The following LINGO2 variants were observed in gnomAD, a reference collection of about 807,000 sequenced individuals.
LINGO2 encodes the protein leucine-rich repeat and immunoglobulin-like domain-containing nogo receptor-interacting protein 2.
A neutral mutation model predicts 30.6 loss-of-function variants in LINGO2; 14 were observed. That is an observed-to-expected ratio of 0.46 (90% CI 0.30 to 0.72). LINGO2 has a LOEUF of 0.72. Ranked by LOEUF, LINGO2 falls within the 30% of genes least tolerant of loss-of-function variation. The pLI is 0.07. For missense variants in LINGO2, 729 were observed against 751.7 expected, an observed-to-expected ratio of 0.97 and a Z score of 0.35; for synonymous variants, 317 against 288.5, an observed-to-expected ratio of 1.10 and a Z score of -1.00.
rs149286194 is a variant in LINGO2, at chr9:28,374,124, C to T, written c.-278-1256G>A. 2.3e-3 allele frequency among the ~76,000 whole-genome samples: 353 copies of T among 151,348 alleles called. 2 individuals are homozygous for T. The highest frequency in any genetic ancestry group is 7.4e-3 in the African/African-American group (307 of 41,264). On this transcript the variant is annotated intron_variant, in intron 2 of 5. Coordinates refer to ENST00000379992, the Ensembl canonical transcript of LINGO2. ...AGACGAAGGACATGAGGCCTTTGTTCGGCACCACGACGTGAAGGCCTACGG... is the reference window on the plus strand; with the variant it reads ...AGACGAAGGACATGAGGCCTTTGTTTGGCACCACGACGTGAAGGCCTACGG...
chr9:28,784,190 T>C, the LINGO2 span, among the ~76,000 whole-genome samples: 7 of 152,230 alleles, frequency 4.6e-5, no homozygotes. Context: ...CAGTTTCTTG[T>C]AAGGAGAGAT....
At chr9:28,673,082 A>G (rs2136051227), upstream of LINGO2, among the ~76,000 whole-genome samples, 1 of 152,274 alleles carries the variant, frequency 6.6e-6, no homozygotes, top group East Asian at 1.9e-4. Flanking sequence ...TTACAATAGC[A>G]TTGTGTTTGT....
intron 1 of LINGO2, among the ~76,000 whole-genome samples, chr9:28,568,412 A>G (rs1051221425): frequency 1.4e-4 from 21 of 152,126 alleles, no homozygotes; most frequent in African/African-American, 5.1e-4. Flanking sequence ...TAACCTGTAC[A>G]ACAAACCCCA....
At chr9:28,900,329 C>A in the LINGO2 span, among the ~76,000 whole-genome samples, 11 of 152,150 alleles carry the variant, frequency 7.2e-5, no homozygotes, top group Non-Finnish European at 1.3e-4. Context: ...CTCTGCAGAC[C>A]CAGGCTTATC....
rs572625988 is a variant in LINGO2 at position 28,001,719 on chromosome 9, A to C, written c.-36+10636T>G. Among the ~76,000 whole-genome samples, 5 of 152,312 alleles carry C rather than the reference A, an allele frequency of 3.3e-5. No homozygotes were observed. In the South Asian group the frequency reaches 1.0e-3, roughly 32 times the overall value. On this transcript the variant is annotated intron_variant, in intron 5 of 5. Coordinates refer to ENST00000379992, the Ensembl canonical transcript of LINGO2. ...GGGCAGAAAGGAAAAAAAAAGCACA[A>C]GTACAGCTGAATTATTGTTAGTTTC...
Position 28,519,787 on chromosome 9 carries a change from G to A in LINGO2, c.-364-43762C>T, listed in dbSNP as rs534357217. On this transcript the variant is annotated intron_variant, in intron 1 of 5. Transcript: ENST00000379992. ...TGACAGAGAAAGAGTTTATAATTTC[G>A]ATGAGGTGAAATTTATCAAATTTCC... 3.4e-4 allele frequency among the ~76,000 whole-genome samples: 51 copies of A among 152,186 alleles called. 1 individual carries two copies. The South Asian group carries it at 1.0e-2, about 30-fold the overall frequency.
At chr9:28,481,137 G>A (rs894655284) in intron 1 of LINGO2, among the ~76,000 whole-genome samples, 10 of 152,130 alleles carry the variant, frequency 6.6e-5, no homozygotes, top group African/African-American at 2.4e-4. Context: ...GTCTTCAAAT[G>A]TCTTTGATTT....
At chr9:28,101,435 AG>A (rs1167549064) in intron 4 of LINGO2, among the ~76,000 whole-genome samples, 2 of 152,218 alleles carry the variant, frequency 1.3e-5, no homozygotes, top group Non-Finnish European at 2.9e-5. Context: ...GGTCACTTCA[AG>A]GCTATTGCTA....
At chr9:29,187,151 G>C in the LINGO2 span, among the ~76,000 whole-genome samples, 1 of 152,064 alleles carries the variant, frequency 6.6e-6, no homozygotes, top group African/African-American at 2.4e-5. Flanking sequence ...CTGTATCACA[G>C]TCCTACAATA....
chr9:28,231,319 GCCAT>G (rs1821347736), intron 4 of LINGO2, among the ~76,000 whole-genome samples: 1 of 151,898 alleles, frequency 6.6e-6, no homozygotes, highest in Admixed American at 6.6e-5. Flanking sequence ...CTATATAGGA[GCCAT>G]TCACTGACAA....
intron 4 of LINGO2, among the ~76,000 whole-genome samples, chr9:28,061,197 T>A (rs1312749683): frequency 6.7e-6 from 1 of 149,268 alleles, no homozygotes; most frequent in Non-Finnish European, 1.5e-5. Context: ...TGGCATCTAG[T>A]ATGTTTCTTA....
chr9:28,447,083 C>T (rs1824450207), intron 2 of LINGO2, among the ~76,000 whole-genome samples: 1 of 152,188 alleles, frequency 6.6e-6, no homozygotes, highest in African/African-American at 2.4e-5. Flanking sequence ...GATTAACTGT[C>T]ACTTTCTTAG....
intron 3 of LINGO2, among the ~76,000 whole-genome samples, chr9:28,367,178 C>A (rs1820712391): frequency 6.6e-6 from 1 of 150,388 alleles, no homozygotes; most frequent in South Asian, 2.1e-4. Context: ...ACATTTATTT[C>A]AATTCTTATC....
intron 4 of LINGO2, among the ~76,000 whole-genome samples, chr9:28,219,868 C>A (rs939644339): frequency 6.6e-5 from 10 of 152,120 alleles, no homozygotes; most frequent in Non-Finnish European, 1.3e-4. Flanking sequence ...ATTAAAAATT[C>A]TAAGTATGGT....
chr9:28,125,490 A>AT (rs1451789986), intron 4 of LINGO2, among the ~76,000 whole-genome samples: 2 of 152,170 alleles, frequency 1.3e-5, no homozygotes, highest in African/African-American at 4.8e-5. Context: ...GTATGGTAGA[A>AT]TTTTCTGCCC....
chr9:28,448,829 C>T (rs113366446), intron 2 of LINGO2, among the ~76,000 whole-genome samples: 19 of 151,344 alleles, frequency 1.3e-4, no homozygotes, highest in African/African-American at 4.6e-4. Flanking sequence ...GAGAGTGCAG[C>T]CACAATACCT....
chr9:28,797,351 TATATATATAGAGAGAGAGAGAGAGAG>T, the LINGO2 span, among the ~76,000 whole-genome samples: 1 of 62,510 alleles, frequency 1.6e-5, no homozygotes, highest in Non-Finnish European at 3.2e-5. Context: ...TATATATATA[TATATATATAGAGAGAGAGAGAGAGAG>T]AGAGAGAGAG....
At chr9:27,954,683 G>T (rs1819480539) in intron 5 of LINGO2, among the ~76,000 whole-genome samples, 1 of 152,118 alleles carries the variant, frequency 6.6e-6, no homozygotes, top group Non-Finnish European at 1.5e-5. Context: ...TTGATATACT[G>T]TGTATTACTC....
At chr9:29,198,000 T>C in the LINGO2 span, among the ~76,000 whole-genome samples, 1 of 152,016 alleles carries the variant, frequency 6.6e-6, no homozygotes, top group Admixed American at 6.6e-5. Context: ...TTAAGAAAAA[T>C]AATAATAACA....
Sources: gnomAD v4.1 joint callset for allele counts (sites outside exome capture counted in the v4.1 genomes callset) on GRCh38, gnomAD v4.1.1 for gene constraint, MANE v1.5 for transcripts, NCBI Gene and HGNC (gene_info 2026-07-23, HGNC 2026-07-21) for gene names.